The following NRXN3 variants were observed in gnomAD, a reference collection of about 807,000 sequenced individuals.
The protein encoded by NRXN3 is neurexin 3.
In NRXN3, 32 loss-of-function variants were observed where a neutral mutation model predicts 137.6. The observed-to-expected ratio is 0.23, with a 90% confidence interval of 0.18 to 0.31. NRXN3 has a LOEUF of 0.31. NRXN3 is among the 10% of genes least tolerant of loss of function. The pLI, the probability that NRXN3 is intolerant of heterozygous loss-of-function variation, is 1.00. For missense variants in NRXN3, 1,574 were observed against 2,062.5 expected (o/e 0.76, Z 4.59); for synonymous variants, 798 against 784.5 (o/e 1.02, Z -0.29).
intron 19 of NRXN3, among the ~76,000 whole-genome samples, chr14:79,728,102 G>C (rs1232107854): frequency 6.6e-6 from 1 of 152,174 alleles, no homozygotes; most frequent in Admixed American, 6.5e-5. Flanking sequence ...TCTGTTGCTA[G>C]GGTAGAGTAC....
intron 20 of NRXN3, among the ~76,000 whole-genome samples, chr14:79,843,060 A>G (rs1047834069): frequency 2.0e-5 from 3 of 152,198 alleles, no homozygotes; most frequent in Non-Finnish European, 4.4e-5. Context: ...AAATGGCAGG[A>G]TCTCCTTATT....
intron 16 of NRXN3, among the ~76,000 whole-genome samples, chr14:79,595,465 A>G (rs2097850560): frequency 6.6e-6 from 1 of 152,206 alleles, no homozygotes; most frequent in Non-Finnish European, 1.5e-5. Flanking sequence ...TTACATAATT[A>G]AAATATGGCT....
chr14:78,621,399 A>T (rs560982239), intron 4 of NRXN3, among the ~76,000 whole-genome samples: 10 of 152,346 alleles, frequency 6.6e-5, no homozygotes, highest in Admixed American at 2.6e-4. Flanking sequence ...TGGTCAGCCT[A>T]TTCTATCGGA....
intron 1 of NRXN3, among the ~76,000 whole-genome samples, chr14:78,174,534 T>C (rs1402155448): frequency 6.6e-6 from 1 of 152,194 alleles, no homozygotes; most frequent in East Asian, 1.9e-4. Context: ...GTTTGTGTTT[T>C]GTCAAGCACC....
intron 4 of NRXN3, among the ~76,000 whole-genome samples, chr14:78,529,922 C>T (rs1439554801): frequency 6.6e-6 from 1 of 152,154 alleles, no homozygotes; most frequent in Non-Finnish European, 1.5e-5. Flanking sequence ...TTGCTCTGCA[C>T]TGAATATTTA....
intron 15 of NRXN3, among the ~76,000 whole-genome samples, chr14:79,237,758 T>C (rs2073643702): frequency 6.6e-6 from 1 of 152,038 alleles, no homozygotes. Flanking sequence ...TTGAAGGAAA[T>C]AGTATGAGAT....
At chr14:79,858,639 TAA>T (rs199908054) in intron 20 of NRXN3, among the ~76,000 whole-genome samples, 1 of 147,632 alleles carries the variant, frequency 6.8e-6, no homozygotes, top group African/African-American at 2.5e-5. Flanking sequence ...ACAGATAAGT[TAA>T]AAAAAAAAAT....
chr14:78,204,675 A>G (rs139639241), intron 1 of NRXN3, among the ~76,000 whole-genome samples: 2,178 of 152,362 alleles, frequency 0.014, 15 homozygotes, highest in Non-Finnish European at 0.023. Flanking sequence ...AAAAAAGACT[A>G]CAAAGGTTAA....
intron 10 of NRXN3, among the ~76,000 whole-genome samples, chr14:78,907,230 T>C (rs923862623): frequency 1.3e-5 from 2 of 152,058 alleles, no homozygotes; most frequent in African/African-American, 4.8e-5. Flanking sequence ...TCTTATACAT[T>C]CTTCTTAACA....
chr14:79,599,917 C>T (rs1363748284), intron 16 of NRXN3, among the ~76,000 whole-genome samples: 1 of 152,194 alleles, frequency 6.6e-6, no homozygotes, highest in Admixed American at 6.5e-5. Context: ...ATCTCTTGAA[C>T]CCAGGAGGCG....
intron 19 of NRXN3, among the ~76,000 whole-genome samples, chr14:79,777,616 A>G (rs1403738750): frequency 6.6e-6 from 1 of 151,966 alleles, no homozygotes; most frequent in Non-Finnish European, 1.5e-5. Flanking sequence ...ATGGATGTGA[A>G]TTTTTTTTAT....
intron 4 of NRXN3, among the ~76,000 whole-genome samples, chr14:78,393,927 C>G (rs749672539): frequency 2.0e-5 from 3 of 151,990 alleles, no homozygotes; most frequent in Middle Eastern, 3.4e-3. Flanking sequence ...ATACAACAGA[C>G]TTTTGTACGT....
chr14:79,179,566 A>G (rs139481830), intron 15 of NRXN3, among the ~76,000 whole-genome samples: 240 of 152,242 alleles, frequency 1.6e-3, no homozygotes, highest in Non-Finnish European at 2.4e-3. Flanking sequence ...TTGCGTTTCA[A>G]CAAGCCCTCC....
rs182518646 is a variant in NRXN3, at chr14:78,444,383, C to T, written c.757+146523C>T. On this transcript the variant is annotated intron_variant, in intron 4 of 20. Coordinates refer to ENST00000335750, the MANE Select transcript of NRXN3 (RefSeq NM_001330195.2). Reference sequence around the variant, plus strand: ...TTCTGCTCCATCATGCGGCTTTCCTCGGAGTCCTGGGGAAAATACAGCTCA... The same window carrying T: ...TTCTGCTCCATCATGCGGCTTTCCTTGGAGTCCTGGGGAAAATACAGCTCA... 4.8e-3 allele frequency among the ~76,000 whole-genome samples: 734 copies of T among 152,214 alleles called. 3 individuals are homozygous for T. The highest frequency in any genetic ancestry group is 7.0e-3 in the Non-Finnish European group (473 of 68,010).
At chr14:79,072,802 A>G (rs1415935711) in intron 15 of NRXN3, among the ~76,000 whole-genome samples, 1 of 151,510 alleles carries the variant, frequency 6.6e-6, no homozygotes, top group Non-Finnish European at 1.5e-5. Flanking sequence ...TATGACTAAG[A>G]TGATCATCCT....
chr14:78,636,918 G>A (rs2097572270), intron 4 of NRXN3, among the ~76,000 whole-genome samples: 2 of 151,600 alleles, frequency 1.3e-5, no homozygotes, highest in South Asian at 2.1e-4. Context: ...GGGAAGACAG[G>A]CAGTACAATT....
intron 15 of NRXN3, among the ~76,000 whole-genome samples, chr14:79,324,513 C>T (rs2090562217): frequency 6.6e-6 from 1 of 152,132 alleles, no homozygotes; most frequent in Non-Finnish European, 1.5e-5. Context: ...AGGCTTGTGA[C>T]TTGTATCAGT....
At chr14:78,407,842 T>G (rs2092584045) in intron 4 of NRXN3, among the ~76,000 whole-genome samples, 1 of 152,230 alleles carries the variant, frequency 6.6e-6, no homozygotes, top group Non-Finnish European at 1.5e-5. Flanking sequence ...TTCATCCCCA[T>G]GTTCCAGTGC....
At chr14:79,280,672 C>T in intron 15 of NRXN3, 2 of 939,640 alleles carry the variant, frequency 2.1e-6, no homozygotes, top group South Asian at 3.3e-5. Flanking sequence ...ATCGTATGTC[C>T]ATGAGGGAAG....
Sources: allele counts gnomAD v4.1 joint callset (sites outside exome capture counted in the v4.1 genomes callset), GRCh38; gene constraint gnomAD v4.1.1; transcripts MANE v1.5; gene names NCBI Gene and HGNC (gene_info 2026-07-23, HGNC 2026-07-21).